VAT1L: variants seen among roughly 807,000 people sequenced by gnomAD.
The protein encoded by VAT1L is putative NADPH-dependent quinone oxidoreductase VAT1L.
In VAT1L, 34 loss-of-function variants were observed where a neutral mutation model predicts 44.1. The ratio of observed to expected loss-of-function variants is 0.77; its 90% confidence interval spans 0.59 to 1.03. The LOEUF (loss-of-function observed/expected upper bound fraction) is 1.03. Among genes scored for constraint, VAT1L ranks in the 50% least tolerant of loss-of-function variants. VAT1L has a pLI of 0.00. For missense variants in VAT1L, 615 were observed against 538.8 expected, an observed-to-expected ratio of 1.14 and a Z score of -1.40; for synonymous variants, 253 against 202.2, an observed-to-expected ratio of 1.25 and a Z score of -2.13.
intron 3 of VAT1L, among the ~76,000 whole-genome samples, chr16:77,827,544 G>T (rs180675358): frequency 5.3e-5 from 8 of 152,346 alleles, no homozygotes; most frequent in African/African-American, 1.9e-4. Context: ...AACAGGTGAA[G>T]GAACTGGGGA....
chr16:77,884,595 C>T lies in VAT1L; in HGVS notation c.883-13C>T. 4.3e-6 allele frequency: 7 copies of T among 1,611,076 alleles called. No homozygotes were observed. Among genetic ancestry groups the T allele is most frequent in the Non-Finnish European group, 5.9e-6 (7 of 1,178,940 alleles). ...ATTGAGTTCCTATAACCCAATACCA[C>T]CTCTCTTTGCAGTGGTGGCAGGTGG... On this transcript the variant is annotated splice_polypyrimidine_tract_variant and intron_variant, in intron 6 of 8. Coordinates refer to ENST00000302536, the MANE Select transcript of VAT1L (RefSeq NM_020927.3). This position sits in a 1 kb window ranked among gnomAD's most constrained non-coding sequence, Gnocchi z 4.5.
chr16:77,902,001 C>G (rs1459702660), intron 7 of VAT1L, among the ~76,000 whole-genome samples: 1 of 152,206 alleles, frequency 6.6e-6, no homozygotes, highest in Non-Finnish European at 1.5e-5. Context: ...AGTCATTCAC[C>G]ATTTTCCTAA....
chr16:77,822,077 A>G (rs2016461668), intron 2 of VAT1L, among the ~76,000 whole-genome samples: 1 of 152,048 alleles, frequency 6.6e-6, no homozygotes, highest in South Asian at 2.1e-4. Flanking sequence ...CTTTGCTCAC[A>G]TTGTCTGAGC....
In VAT1L at chr16:77,788,722, C is replaced by G. The variant is rs759863883; in HGVS notation, c.40C>G (p.Gln14Glu). Residue 14 changes from glutamine (Q) to glutamate (E), a missense_variant, in exon 1 of 9, where the codon CAA becomes GAA. Transcript: ENST00000302536. ...EGVEKAEETE[Q>E]MIEKEAGKEP... ...CGTGGAGAAGGCGGAGGAGACGGAG[C>G]AAATGATCGAGAAGGAGGCAGGCAA... 1 of 1,556,642 alleles carries G rather than the reference C, an allele frequency of 6.4e-7. No homozygotes were observed. The highest frequency in any genetic ancestry group is 1.4e-5 in the African/African-American group (1 of 73,846).
intron 7 of VAT1L, among the ~76,000 whole-genome samples, chr16:77,963,631 GA>G (rs1470348411): frequency 2.6e-5 from 4 of 151,782 alleles, no homozygotes; most frequent in Admixed American, 6.6e-5. Flanking sequence ...ATAAAGGGGG[GA>G]AAAACCCACA....
At chr16:77,962,775 G>GGAAGGAAGGAAGGAAA (rs1317695783) in intron 7 of VAT1L, among the ~76,000 whole-genome samples, 4 of 147,098 alleles carry the variant, frequency 2.7e-5, no homozygotes, top group African/African-American at 7.4e-5. Flanking sequence ...AAGGAAGGAA[G>GGAAGGAAGGAAGGAAA]GAAAGAAAGA....
chr16:77,909,825 C>G (rs2017479972), intron 7 of VAT1L, among the ~76,000 whole-genome samples: 1 of 152,072 alleles, frequency 6.6e-6, no homozygotes, highest in African/African-American at 2.4e-5. Flanking sequence ...TTTGAACCGA[C>G]ATCACTGGGG....
chr16:77,804,619 C>A (rs2016122703), intron 1 of VAT1L, among the ~76,000 whole-genome samples: 1 of 152,190 alleles, frequency 6.6e-6, no homozygotes, highest in African/African-American at 2.4e-5. Context: ...TCCTCTCTGT[C>A]CTTATTTCAG....
chr16:77,879,939 C>T lies in VAT1L; in HGVS notation c.882+715C>T, dbSNP rs76456654. ...TCTCTGTCTCCCCATCCTCTTGAAT[C>T]GGAGATAGAAATGAGGACCCTATGA... is the stretch of plus-strand genomic sequence containing the variant. On this transcript the variant is annotated intron_variant, in intron 6 of 8. Coordinates refer to ENST00000302536, the MANE Select transcript of VAT1L (RefSeq NM_020927.3). The surrounding 1 kb of genome is among the most constrained non-coding windows in gnomAD (Gnocchi z 4.1). Among the ~76,000 whole-genome samples the T allele has an allele frequency of 2.6e-4, 40 of 152,236 alleles. No homozygotes were observed. Among genetic ancestry groups the T allele is most frequent in the African/African-American group, 6.0e-4 (25 of 41,528 alleles).
At chr16:77,953,955 G>C (rs1004142575) in intron 7 of VAT1L, among the ~76,000 whole-genome samples, 1 of 151,900 alleles carries the variant, frequency 6.6e-6, no homozygotes, top group Non-Finnish European at 1.5e-5. Context: ...CTAAGATCTG[G>C]CTCATTAGAC....
chr16:77,880,566 T>C (rs1377609346), intron 6 of VAT1L, among the ~76,000 whole-genome samples: 2 of 151,414 alleles, frequency 1.3e-5, no homozygotes, highest in Non-Finnish European at 2.9e-5. Context: ...TGTTGCTTTT[T>C]TTTTTTCTTC....
At chr16:77,962,892 G>A (rs1202045267) in intron 7 of VAT1L, among the ~76,000 whole-genome samples, 1 of 152,176 alleles carries the variant, frequency 6.6e-6, no homozygotes, top group African/African-American at 2.4e-5. Flanking sequence ...GCTGCAGTGG[G>A]TTGTGATCAT....
chr16:77,903,983 G>A (rs569964080), intron 7 of VAT1L, among the ~76,000 whole-genome samples: 27 of 151,882 alleles, frequency 1.8e-4, no homozygotes, highest in African/African-American at 6.0e-4. Flanking sequence ...TGATCCGCTC[G>A]CCTCAGCCTC....
At chr16:77,955,722 C>A (rs1040821234) in intron 7 of VAT1L, among the ~76,000 whole-genome samples, 46 of 122,950 alleles carry the variant, frequency 3.7e-4, no homozygotes, top group Admixed American at 7.5e-4. Context: ...CTCCATATCC[C>A]CCCCCCCAAA....
At position 77,880,252 on chromosome 16, in the gene VAT1L, G is replaced by GTT. The variant is rs1189109083; in HGVS notation, c.882+1028_882+1029insTT. Among the ~76,000 whole-genome samples, 49 of 152,148 alleles carry GTT rather than the reference G, an allele frequency of 3.2e-4. 1 individual carries two copies. The South Asian group carries it at 9.1e-3, about 28-fold the overall frequency. ...GCTCACTGCAACCTCCACCTCCTGG[G>GTT]CTGTAGCAACCCTCCTGCTTCAGCC... On this transcript the variant is annotated intron_variant, in intron 6 of 8. Coordinates refer to ENST00000302536, the MANE Select transcript of VAT1L (RefSeq NM_020927.3).
At chr16:77,967,415 G>T (rs1257222191) in intron 7 of VAT1L, among the ~76,000 whole-genome samples, 1 of 152,184 alleles carries the variant, frequency 6.6e-6, no homozygotes, top group African/African-American at 2.4e-5. Flanking sequence ...TCATATGGTG[G>T]CCTAAGAAAG....
At chr16:77,966,375 G>A (rs2142539813) in intron 7 of VAT1L, among the ~76,000 whole-genome samples, 1 of 152,246 alleles carries the variant, frequency 6.6e-6, no homozygotes, top group African/African-American at 2.4e-5. Context: ...ACTTAGAAGA[G>A]CTCACATCCA....
chr16:77,854,477 C>T (rs978360996), intron 3 of VAT1L, among the ~76,000 whole-genome samples: 2 of 152,182 alleles, frequency 1.3e-5, no homozygotes, highest in Non-Finnish European at 2.9e-5. Flanking sequence ...GTTGAGCAGA[C>T]AAATGACAGC....
chr16:77,862,687 C>T (rs2016928104), intron 3 of VAT1L, 61 bp from the exon 4 acceptor site: 1 of 1,490,754 alleles, frequency 6.7e-7, no homozygotes, highest in African/African-American at 1.4e-5. Context: ...CTACACCCAG[C>T]AAGACTGGCT....
Sources: gnomAD v4.1 joint callset for allele counts (sites outside exome capture counted in the v4.1 genomes callset) on GRCh38, gnomAD v4.1.1 for gene constraint, Gnocchi (gnomAD v3.1) non-coding constraint, MANE v1.5 for transcripts, NCBI Gene and HGNC (gene_info 2026-07-23, HGNC 2026-07-21) for gene names.